PAK3: variants seen among roughly 807,000 people sequenced by gnomAD.
PAK3 encodes the protein serine/threonine-protein kinase PAK 3.
In PAK3, 4 loss-of-function variants were observed where a neutral mutation model predicts 41.0. The observed-to-expected ratio is 0.10, with a 90% CI of 0.05 to 0.22. PAK3 has a LOEUF of 0.22. PAK3 is among the 10% of genes least tolerant of loss of function. PAK3 has a pLI of 1.00. For missense variants in PAK3, 205 were observed against 409.9 expected, an observed-to-expected ratio of 0.50 and a Z score of 4.32; for synonymous variants, 146 against 139.6, an observed-to-expected ratio of 1.05 and a Z score of -0.32.
chrX:111,226,220 A>G lies in PAK3; in HGVS notation c.*5773A>G, dbSNP rs1301006284. The G allele has an allele frequency of 7.3e-5, 8 of 110,286 alleles. No homozygotes were observed. The highest frequency in any genetic ancestry group is 1.5e-4 in the Non-Finnish European group (8 of 52,915). 9.1% of individuals were successfully genotyped at this position (110,286 alleles called of 1,213,427 possible). On this transcript the variant is annotated 3_prime_UTR_variant, in exon 18 of 18. Transcript: ENST00000372007. ...CAAATGAAGTTCATAATAATAGGGG[A>G]TGTTGATAAAACTTGTGGCAGCCTT...
chrX:111,153,796 G>T (rs146969021), intron 8 of PAK3, among the ~76,000 whole-genome samples: 1 of 111,490 alleles, frequency 9.0e-6, no homozygotes, highest in East Asian at 2.8e-4. Flanking sequence ...CCACTTCTGG[G>T]TATATACCCA....
chrX:110,986,119 C>A (rs1476623873), intron 1 of PAK3, among the ~76,000 whole-genome samples: 3 of 112,088 alleles, frequency 2.7e-5, no homozygotes, highest in African/African-American at 9.7e-5. Context: ...CCTGTACTAT[C>A]TTGATACTGA....
chrX:111,121,406 C>G (rs1317224947), intron 4 of PAK3, among the ~76,000 whole-genome samples: 3 of 111,881 alleles, frequency 2.7e-5, no homozygotes, highest in African/African-American at 9.7e-5. Flanking sequence ...GTAACCTATT[C>G]TTGAGTAATT....
At chrX:111,187,320 A>G (rs1319131521) in intron 11 of PAK3, among the ~76,000 whole-genome samples, 2 of 112,094 alleles carry the variant, frequency 1.8e-5, no homozygotes, top group Non-Finnish European at 3.8e-5. Context: ...TATGATTCAC[A>G]CACTAGAATT....
At chrX:110,961,696 C>T (rs764873367) in intron 1 of PAK3, among the ~76,000 whole-genome samples, 1 of 112,091 alleles carries the variant, frequency 8.9e-6, no homozygotes, top group African/African-American at 3.2e-5. Context: ...CCCTTCACAG[C>T]TAAGCTTCTT....
chrX:111,109,071 C>T (rs1367566595), intron 4 of PAK3, among the ~76,000 whole-genome samples: 1 of 112,005 alleles, frequency 8.9e-6, no homozygotes, highest in African/African-American at 3.2e-5. Flanking sequence ...AAATTATCCC[C>T]ATTGCTTCTT....
intron 10 of PAK3, among the ~76,000 whole-genome samples, chrX:111,167,282 C>A (rs1376199701): frequency 9.0e-6 from 1 of 110,847 alleles, no homozygotes; most frequent in African/African-American, 3.3e-5. Flanking sequence ...GTAGAGCAGC[C>A]TGTGCTGAGA....
intron 1 of PAK3, among the ~76,000 whole-genome samples, chrX:110,961,972 G>C (rs182007573): frequency 8.6e-4 from 97 of 112,250 alleles, no homozygotes; most frequent in African/African-American, 3.0e-3. Context: ...TTCTTTGGCA[G>C]CTTCTTGAGT....
At chrX:111,138,924 C>T (rs754352836) in intron 5 of PAK3, among the ~76,000 whole-genome samples, 4 of 110,508 alleles carry the variant, frequency 3.6e-5, no homozygotes, top group African/African-American at 1.3e-4. Flanking sequence ...GCAGAGATCA[C>T]GCCACTGTAC....
At chrX:111,079,561 T>C (rs1331757711) in intron 1 of PAK3, among the ~76,000 whole-genome samples, 1 of 112,280 alleles carries the variant, frequency 8.9e-6, no homozygotes, top group Non-Finnish European at 1.9e-5. Flanking sequence ...TCAAATGTTC[T>C]GATGGAGATG....
intron 7 of PAK3, among the ~76,000 whole-genome samples, chrX:111,149,787 G>A (rs1239181197): frequency 2.7e-5 from 3 of 112,103 alleles, no homozygotes; most frequent in East Asian, 2.8e-4. Context: ...TGTGATGGGA[G>A]GGGCTGCTGT....
intron 14 of PAK3, 80 bp from the exon 15 acceptor site, chrX:111,195,762 C>A: frequency 1.5e-6 from 1 of 657,246 alleles, no homozygotes; most frequent in Non-Finnish European, 2.5e-6. Context: ...TATATCCCTG[C>A]CCAAAATTTA....
At chrX:111,151,238 G>T (rs1263701723) in intron 7 of PAK3, among the ~76,000 whole-genome samples, 14 of 112,586 alleles carry the variant, frequency 1.2e-4, no homozygotes, top group Admixed American at 1.2e-3. Context: ...ATGTATTCAA[G>T]AAATCATTTC....
At position 110,945,947 on chromosome X, in the gene PAK3, G is replaced by T. The variant is rs774750884; in HGVS notation, c.-28+1319G>T. Among the ~76,000 whole-genome samples the T allele has an allele frequency of 2.7e-5, 3 of 112,008 alleles. No individual in the cohort carries two copies. The South Asian group carries it at 1.1e-3, about 42-fold the overall frequency. ...GACATTTTTTGCATACCTGCTATGT[G>T]TTATTAATGTTAAGTATTGAAAGTA... is the stretch of plus-strand genomic sequence containing the variant. On this transcript the variant is annotated intron_variant, in intron 1 of 14. Transcript: ENST00000425146.
intron 5 of PAK3, among the ~76,000 whole-genome samples, chrX:111,131,086 A>G (rs2093710550): frequency 1.8e-5 from 2 of 112,088 alleles, no homozygotes; most frequent in Admixed American, 9.5e-5. Context: ...CCAATGGAAT[A>G]TGCAAAAATG....
chrX:111,193,784 A>C (rs1275500534), intron 13 of PAK3, among the ~76,000 whole-genome samples: 1 of 111,820 alleles, frequency 8.9e-6, no homozygotes, highest in Non-Finnish European at 1.9e-5. Flanking sequence ...AAAACAAAAA[A>C]AAACAAAAAA....
intron 10 of PAK3, among the ~76,000 whole-genome samples, chrX:111,168,752 G>T (rs1353958275): frequency 1.8e-5 from 2 of 111,696 alleles, no homozygotes; most frequent in African/African-American, 3.3e-5. Flanking sequence ...TCAGAAAGTG[G>T]CTTGGGCTGA....
At chrX:111,215,278 G>T (rs1041597797) in intron 16 of PAK3, among the ~76,000 whole-genome samples, 6 of 111,829 alleles carry the variant, frequency 5.4e-5, no homozygotes, top group African/African-American at 3.3e-5. Context: ...AGAACCTTCA[G>T]CTGGGCGCAG....
chrX:111,025,685 C>T (rs1048684804), intron 1 of PAK3, among the ~76,000 whole-genome samples: 34 of 110,528 alleles, frequency 3.1e-4, no homozygotes, highest in African/African-American at 9.8e-4. Context: ...CAGGACCCAA[C>T]GGATTCACAG....
Sources: gnomAD v4.1 joint callset for allele counts (sites outside exome capture counted in the v4.1 genomes callset) on GRCh38, gnomAD v4.1.1 for gene constraint, MANE v1.5 for transcripts, NCBI Gene and HGNC (gene_info 2026-07-23, HGNC 2026-07-21) for gene names.